The following PADI2 variants were observed in gnomAD, a reference collection of about 807,000 sequenced individuals.
PADI2 encodes peptidyl arginine deiminase 2.
In PADI2, 70 loss-of-function variants were observed where a neutral mutation model predicts 81.1. The ratio of observed to expected loss-of-function variants is 0.86; its 90% CI spans 0.71 to 1.05. PADI2 has a LOEUF of 1.05. Among genes scored for constraint, PADI2 ranks in the 50% least tolerant of loss-of-function variants. The pLI is 0.00. For missense variants in PADI2, 853 were observed against 889.9 expected, an observed-to-expected ratio of 0.96 and a Z score of 0.53; for synonymous variants, 338 against 358.0, an observed-to-expected ratio of 0.94 and a Z score of 0.63.
chr1:17,071,626 T>A (rs2078265213), intron 13 of PADI2, 135 bp from the exon 14 acceptor site: 11 of 695,630 alleles, frequency 1.6e-5, no homozygotes, highest in Non-Finnish European at 2.8e-5. Context: ...AGAGGCTGGA[T>A]CACAGGAGGG....
intron 5 of PADI2, 134 bp downstream of exon 5, chr1:17,093,433 A>C (rs981455958): frequency 1.9e-5 from 13 of 671,338 alleles, no homozygotes; most frequent in East Asian, 1.0e-4. Flanking sequence ...GCTTTAAGCA[A>C]GAGTGGGAAT....
chr1:17,096,057 G>A (rs558701672), intron 3 of PADI2, 87 bp from the exon 4 acceptor site: 54 of 967,710 alleles, frequency 5.6e-5, no homozygotes, highest in East Asian at 4.7e-4. Context: ...ATTTGGGTGC[G>A]TCTCAGCCAT....
chr1:17,075,375 G>C (rs1570977482), intron 12 of PADI2: 1 of 381,502 alleles, frequency 2.6e-6, no homozygotes, highest in Middle Eastern at 7.1e-4. Context: ...GCTGTGGCTA[G>C]TCTGAATTTA....
chr1:17,090,630 C>T (rs1358486212), intron 6 of PADI2, among the ~76,000 whole-genome samples: 1 of 113,416 alleles, frequency 8.8e-6, no homozygotes, highest in Non-Finnish European at 2.0e-5. Context: ...TAAGAGTTTT[C>T]ACCCAGTGAC....
At chr1:17,117,848 G>A (rs1931812277) in intron 1 of PADI2, among the ~76,000 whole-genome samples, 1 of 152,182 alleles carries the variant, frequency 6.6e-6, no homozygotes, top group African/African-American at 2.4e-5. Flanking sequence ...GTTCAGGGCT[G>A]GGGGTGGGGA....
In PADI2 at chr1:17,070,177, G is replaced by C. The variant is rs1326701996; in HGVS notation, c.1675C>G (p.Leu559Val). The C allele has an allele frequency of 6.2e-7, 1 of 1,614,104 alleles. No homozygotes were observed. The highest frequency in any genetic ancestry group is 2.2e-5 in the East Asian group (1 of 44,880). The change falls in exon 15 of 16, where the codon CTG becomes GTG. Residue 559 changes from leucine (L) to valine (V), a missense_variant. Coordinates refer to ENST00000375486, the MANE Select transcript of PADI2 (RefSeq NM_007365.3). ...DWNRDILKKE[L>V]GLTEQDIIDL... is the part of the protein sequence containing the mutation. ...ATGATGTCCTGCTCTGTCAGTCCCA[G>C]CTCCTTCTTGAGGATGTCACGGTTC... is the stretch of plus-strand genomic sequence containing the variant.
chr1:17,098,374 G>C (rs192858488), intron 3 of PADI2, among the ~76,000 whole-genome samples: 1 of 152,222 alleles, frequency 6.6e-6, no homozygotes, highest in Non-Finnish European at 1.5e-5. Flanking sequence ...CAGTGGGGCC[G>C]TGGGCTAGGA....
At position 17,083,719 on chromosome 1, in the gene PADI2, T is replaced by A; in HGVS notation, c.1050+7A>T. On this transcript the variant is annotated splice_region_variant and intron_variant, in intron 9 of 15. Coordinates refer to ENST00000375486, the MANE Select transcript of PADI2 (RefSeq NM_007365.3). ...TGTCCTTCCCAGCCTGGACCTGGGC[T>A]CCTTACCTGGATCCAGCGATCGCCT... 1 of 1,589,574 alleles carries A rather than the reference T, an allele frequency of 6.3e-7. No homozygotes were observed. The highest frequency in any genetic ancestry group is 8.6e-7 in the Non-Finnish European group (1 of 1,157,548).
chr1:17,098,404 T>C (rs1931022254), intron 3 of PADI2, among the ~76,000 whole-genome samples: 1 of 152,246 alleles, frequency 6.6e-6, no homozygotes, highest in Non-Finnish European at 1.5e-5. Context: ...TGGTGCAGTC[T>C]ATACTGCTTC....
chr1:17,096,448 G>A (rs2101597531), intron 3 of PADI2, among the ~76,000 whole-genome samples: 1 of 152,380 alleles, frequency 6.6e-6, no homozygotes, highest in Admixed American at 6.5e-5. Flanking sequence ...GCGCATAGGT[G>A]TGCACATGTG....
chr1:17,101,653 G>A (rs1369773097), intron 3 of PADI2, among the ~76,000 whole-genome samples: 1 of 152,106 alleles, frequency 6.6e-6, no homozygotes, highest in Non-Finnish European at 1.5e-5. Flanking sequence ...AATGAGAAGG[G>A]CCCTGCTGCT....
intron 7 of PADI2, 84 bp from the exon 8 acceptor site, chr1:17,084,786 A>G: frequency 1.3e-6 from 1 of 755,254 alleles, no homozygotes; most frequent in Non-Finnish European, 2.3e-6. Flanking sequence ...GGTGAAACTG[A>G]TGACAGTGAA....
Position 17,119,288 on chromosome 1 carries a change from A to G in PADI2, c.84T>C (p.Asp28=), listed in dbSNP as rs1326219066. 1 of 1,546,070 alleles carries G rather than the reference A, an allele frequency of 6.5e-7. No homozygotes were observed. Among genetic ancestry groups the G allele is most frequent in the South Asian group, 1.2e-5 (1 of 83,528 alleles). Residue 28 remains aspartate (D), a synonymous_variant, in exon 1 of 16, where the codon GAT becomes GAC. Coordinates refer to ENST00000375486, the MANE Select transcript of PADI2 (RefSeq NM_007365.3). The surrounding 1 kb of genome is among the most constrained non-coding windows in gnomAD (Gnocchi z 4.8). ...VYVLGTYLWT[D]VYSAAPAGAQ... is the part of the protein sequence containing the mutation. ...ACGGTGGGCCGGCTCACCTGTAGAC[A>G]TCGGTCCAGAGGTAGGTGCCCAGCA...
Position 17,069,276 on chromosome 1 carries a change from A to G in PADI2, c.1766T>C (p.Val589Ala). The change falls in exon 16 of 16, where the codon GTG becomes GCG. Residue 589 changes from valine to alanine, a missense_variant and splice_region_variant. By Grantham distance (64) the Val-to-Ala change is moderately conservative. Transcript: ENST00000375486. ...GTCCTTGTCCAGCACGATCATGTTC[A>G]CCTGTGACGGGGGATTGCGATGGCA... ...HRARAFFPNM[V>A]NMIVLDKDLG... 1 of 1,612,652 alleles carries G rather than the reference A, an allele frequency of 6.2e-7. No individual in the cohort carries two copies. The highest frequency in any genetic ancestry group is 8.5e-7 in the Non-Finnish European group (1 of 1,178,682).
chr1:17,073,408 CTG>C (rs2078277943), intron 13 of PADI2, among the ~76,000 whole-genome samples: 1 of 93,648 alleles, frequency 1.1e-5, no homozygotes, highest in Non-Finnish European at 2.0e-5. Flanking sequence ...CAGAGTGAGA[CTG>C]TGTCTCAAAA....
intron 6 of PADI2, among the ~76,000 whole-genome samples, chr1:17,089,806 C>T (rs965924472): frequency 1.3e-5 from 2 of 152,208 alleles, no homozygotes; most frequent in Admixed American, 6.5e-5. Context: ...GAGTGGTCCT[C>T]GTGCCTTGGG....
At chr1:17,084,738 G>T in intron 7 of PADI2, 36 bp from the exon 8 acceptor site, 2 of 1,319,954 alleles carry the variant, frequency 1.5e-6, no homozygotes, top group Non-Finnish European at 2.1e-6. Context: ...GGATCAAAAG[G>T]TTTTGTCAGG....
intron 1 of PADI2, among the ~76,000 whole-genome samples, chr1:17,114,556 C>T (rs1045078305): frequency 6.6e-6 from 1 of 152,002 alleles, no homozygotes; most frequent in Non-Finnish European, 1.5e-5. Flanking sequence ...ATTACATGTC[C>T]GTGAGATGAG....
chr1:17,084,299 G>A (rs1205884221), intron 8 of PADI2, among the ~76,000 whole-genome samples: 1 of 152,248 alleles, frequency 6.6e-6, no homozygotes, highest in Non-Finnish European at 1.5e-5. Flanking sequence ...CAGATGAGCT[G>A]CATTTCCACT....
Sources: allele counts gnomAD v4.1 joint callset (sites outside exome capture counted in the v4.1 genomes callset), GRCh38; gene constraint gnomAD v4.1.1; non-coding constraint Gnocchi (gnomAD v3.1); transcripts MANE v1.5; gene names NCBI Gene and HGNC (gene_info 2026-07-23, HGNC 2026-07-21).